MAD1L1: variants seen among roughly 807,000 people sequenced by gnomAD.
The protein encoded by MAD1L1 is mitotic arrest deficient 1 like 1.
Under a neutral mutation model 96.9 loss-of-function variants are expected in MAD1L1, and 95 were observed. The observed-to-expected ratio is 0.98, with a 90% CI of 0.83 to 1.16. The LOEUF (loss-of-function observed/expected upper bound fraction) is 1.16, where lower values mean the gene tolerates loss of function less well. MAD1L1 is among the 50% of genes most tolerant of loss of function. MAD1L1 has a pLI of 0.00. For missense variants in MAD1L1, 1,007 were observed against 954.4 expected, an observed-to-expected ratio of 1.06 and a Z score of -0.73; for synonymous variants, 473 against 396.6, an observed-to-expected ratio of 1.19 and a Z score of -2.29.
At chr7:1,894,397 G>A (rs1437116313) in intron 18 of MAD1L1, among the ~76,000 whole-genome samples, 1 of 152,208 alleles carries the variant, frequency 6.6e-6, no homozygotes, top group African/African-American at 2.4e-5. Context: ...GGCAGAGCTA[G>A]TCACAGCTCT....
intron 18 of MAD1L1, among the ~76,000 whole-genome samples, chr7:1,816,786 G>A (rs1176646692): frequency 1.3e-5 from 2 of 151,992 alleles, no homozygotes; most frequent in African/African-American, 4.8e-5. Flanking sequence ...GGGACACAGG[G>A]CAGGAGTCAC....
chr7:2,084,671 A>G (rs1562671455), intron 11 of MAD1L1, among the ~76,000 whole-genome samples: 1 of 152,192 alleles, frequency 6.6e-6, no homozygotes, highest in Non-Finnish European at 1.5e-5. Flanking sequence ...TGATCCCTGC[A>G]TTGGAGAACC....
At chr7:2,038,444 C>G (rs975491274) in intron 12 of MAD1L1, among the ~76,000 whole-genome samples, 5 of 149,796 alleles carry the variant, frequency 3.3e-5, no homozygotes, top group African/African-American at 9.7e-5. Flanking sequence ...CGATCCCTGC[C>G]TTCAAAGTTT....
chr7:1,844,278 C>G (rs1304104820), intron 18 of MAD1L1: 1 of 154,242 alleles, frequency 6.5e-6, no homozygotes, highest in East Asian at 1.9e-4. Flanking sequence ...GTCCCACAGG[C>G]CCCCCTGCCA....
At chr7:2,020,255 G>A (rs1319448724) in intron 12 of MAD1L1, among the ~76,000 whole-genome samples, 4 of 146,644 alleles carry the variant, frequency 2.7e-5, no homozygotes, top group African/African-American at 2.4e-5. Context: ...CTCCATGATC[G>A]GGGGGGGCAC....
chr7:2,009,931 G>A (rs1401478885), intron 13 of MAD1L1, among the ~76,000 whole-genome samples: 4 of 152,064 alleles, frequency 2.6e-5, no homozygotes, highest in Non-Finnish European at 4.4e-5. Context: ...CAGACGCCCC[G>A]TTCTGGGAAT....
intron 17 of MAD1L1, among the ~76,000 whole-genome samples, chr7:1,924,105 G>A (rs910108469): frequency 1.3e-5 from 2 of 152,218 alleles, no homozygotes; most frequent in Admixed American, 6.5e-5. Flanking sequence ...ACCAACAGGC[G>A]CCAAGATGAC....
chr7:1,855,528 G>A (rs1784204505), intron 18 of MAD1L1, among the ~76,000 whole-genome samples: 2 of 151,900 alleles, frequency 1.3e-5, no homozygotes, highest in Admixed American at 1.3e-4. Context: ...TCACTTTCCA[G>A]AAAACACGGC....
chr7:1,856,195 C>G (rs1389898518), intron 18 of MAD1L1, among the ~76,000 whole-genome samples: 2 of 152,252 alleles, frequency 1.3e-5, no homozygotes, highest in East Asian at 3.8e-4. Flanking sequence ...CGCCTCTCCA[C>G]ACGTGCCTCT....
intron 12 of MAD1L1, among the ~76,000 whole-genome samples, chr7:2,049,533 G>T (rs1361885343): frequency 6.6e-6 from 1 of 152,220 alleles, no homozygotes; most frequent in Non-Finnish European, 1.5e-5. Context: ...TTTTCAAAGA[G>T]GCGGTAGGAG....
intron 15 of MAD1L1, among the ~76,000 whole-genome samples, chr7:1,976,353 G>A (rs1180016470): frequency 6.6e-6 from 1 of 152,232 alleles, no homozygotes; most frequent in East Asian, 1.9e-4. Flanking sequence ...CTTTCTTCTG[G>A]TGGGTTCGTG....
At chr7:1,942,295 C>A (rs1779038280) in intron 16 of MAD1L1, among the ~76,000 whole-genome samples, 1 of 152,214 alleles carries the variant, frequency 6.6e-6, no homozygotes, top group Admixed American at 6.5e-5. Flanking sequence ...CACGCCTGAG[C>A]CCCTGGGGGC....
intron 10 of MAD1L1, among the ~76,000 whole-genome samples, chr7:2,210,669 C>A (rs1584558499): frequency 6.6e-6 from 1 of 152,238 alleles, no homozygotes; most frequent in South Asian, 2.1e-4. Flanking sequence ...CTCAGACACC[C>A]GCCCTGTGGA....
In MAD1L1 at chr7:2,213,222, G is replaced by A; in HGVS notation, c.976C>T (p.Leu326=). ...SWERLDQTMG[L]SIRTPEDLSR... is the part of the protein sequence containing the mutation. The stretch of plus-strand genomic sequence containing the variant: ...CCTGCCCTTCCCTACCTGATGCTCA[G>A]GCCCATGGTCTGGTCCAGTCTCTCC... Residue 326 remains leucine, a synonymous_variant, in exon 10 of 19, where the codon CTG becomes TTG. Coordinates refer to ENST00000265854, the MANE Select transcript of MAD1L1 (RefSeq NM_001013836.2). 1.2e-6 allele frequency: 2 copies of A among 1,614,140 alleles called. No individual in the cohort carries two copies. The highest frequency in any genetic ancestry group is 1.7e-6 in the Non-Finnish European group (2 of 1,180,038).
At chr7:2,104,411 T>C (rs976727690) in intron 11 of MAD1L1, among the ~76,000 whole-genome samples, 2 of 152,230 alleles carry the variant, frequency 1.3e-5, no homozygotes, top group African/African-American at 4.8e-5. Context: ...GTCTGGCATG[T>C]GGAGGCGGCC....
intron 10 of MAD1L1, among the ~76,000 whole-genome samples, chr7:2,190,332 G>A (rs189002855): frequency 5.9e-5 from 9 of 152,222 alleles, no homozygotes; most frequent in Admixed American, 5.9e-4. Context: ...GCAGGAAAGC[G>A]ACCCTCAACT....
chr7:1,957,551 G>C, intron 16 of MAD1L1, 78 bp downstream of exon 16: 1 of 1,412,946 alleles, frequency 7.1e-7, no homozygotes, highest in East Asian at 2.3e-5. Context: ...TGTGGCAGCA[G>C]GAACCACGGT....
chr7:2,026,328 C>G (rs934099145), intron 12 of MAD1L1, among the ~76,000 whole-genome samples: 9 of 151,960 alleles, frequency 5.9e-5, no homozygotes, highest in Admixed American at 5.9e-4. Context: ...CAATAATTGA[C>G]AAAATTAAAA....
intron 10 of MAD1L1, among the ~76,000 whole-genome samples, chr7:2,208,776 C>G (rs575282662): frequency 1.8e-4 from 27 of 152,296 alleles, no homozygotes; most frequent in African/African-American, 3.1e-4. Flanking sequence ...CCTCCTCCCC[C>G]TCCTGTGCCC....
Sources: allele counts gnomAD v4.1 joint callset (sites outside exome capture counted in the v4.1 genomes callset), GRCh38; gene constraint gnomAD v4.1.1; transcripts MANE v1.5; gene names NCBI Gene and HGNC (gene_info 2026-07-23, HGNC 2026-07-21).